Variants in ERC2 observed in about 807,000 individuals in gnomAD.
ERC2 encodes the protein ELKS/RAB6-interacting/CAST family member 2.
In ERC2, 42 loss-of-function variants were observed where a neutral mutation model predicts 114.8. That is an observed-to-expected ratio of 0.37 (90% CI 0.29 to 0.47). The LOEUF is 0.47. Ranked by LOEUF, ERC2 falls within the 20% of genes least tolerant of loss-of-function variation. The pLI is 0.99. For synonymous variants in ERC2, 454 were observed against 425.5 expected (o/e 1.07, Z -0.82); for missense variants, 939 against 1,150.7 (o/e 0.82, Z 2.66).
intron 14 of ERC2, among the ~76,000 whole-genome samples, chr3:55,842,751 A>G (rs1193569727): frequency 6.6e-6 from 1 of 152,092 alleles, no homozygotes; most frequent in Non-Finnish European, 1.5e-5. Context: ...AGATCTCAAG[A>G]AAGATATGGA....
At chr3:56,458,344 G>T (rs1489851463) in intron 1 of ERC2, among the ~76,000 whole-genome samples, 1 of 152,118 alleles carries the variant, frequency 6.6e-6, no homozygotes, top group Admixed American at 6.5e-5. Flanking sequence ...AGCCAGAAAG[G>T]GAACTTAGGG....
At chr3:56,185,812 G>C (rs563423603) in intron 3 of ERC2, among the ~76,000 whole-genome samples, 1 of 152,240 alleles carries the variant, frequency 6.6e-6, no homozygotes, top group Non-Finnish European at 1.5e-5. Flanking sequence ...ATCTGGGTGA[G>C]TGCAATCTAA....
chr3:56,077,536 A>T (rs187998509), intron 7 of ERC2, among the ~76,000 whole-genome samples: 105 of 152,344 alleles, frequency 6.9e-4, no homozygotes, highest in African/African-American at 2.5e-3. Context: ...AAACATTTGC[A>T]TTGGCAAAAG....
At chr3:56,419,196 C>A (rs576373105) in intron 2 of ERC2, among the ~76,000 whole-genome samples, 1 of 149,942 alleles carries the variant, frequency 6.7e-6, no homozygotes, top group African/African-American at 2.5e-5. Context: ...ACGTAATTAA[C>A]CCTCACTTGA....
chr3:56,105,645 A>T (rs764739273), intron 6 of ERC2, among the ~76,000 whole-genome samples: 6 of 152,202 alleles, frequency 3.9e-5, no homozygotes, highest in Non-Finnish European at 5.9e-5. Flanking sequence ...CAGAGGAAAG[A>T]CAGAACTAGA....
At chr3:55,690,416 G>C (rs1354300529) in intron 16 of ERC2, among the ~76,000 whole-genome samples, 1 of 152,178 alleles carries the variant, frequency 6.6e-6, no homozygotes, top group Non-Finnish European at 1.5e-5. Context: ...CCCTCTCAAT[G>C]GGGGAGCTAA....
intron 2 of ERC2, among the ~76,000 whole-genome samples, chr3:56,314,007 A>T (rs2056745626): frequency 6.6e-6 from 1 of 152,234 alleles, no homozygotes; most frequent in Non-Finnish European, 1.5e-5. Context: ...TAGCCATGCC[A>T]GTTCAACCTT....
intron 14 of ERC2, among the ~76,000 whole-genome samples, chr3:55,855,244 C>A (rs1437694839): frequency 6.6e-6 from 1 of 152,156 alleles, no homozygotes; most frequent in Non-Finnish European, 1.5e-5. Context: ...TCCTGAGCCA[C>A]CCCATCACAA....
chr3:56,266,291 C>G (rs1425972332), intron 3 of ERC2, among the ~76,000 whole-genome samples: 1 of 151,258 alleles, frequency 6.6e-6, no homozygotes, highest in Non-Finnish European at 1.5e-5. Context: ...CCACCATGCC[C>G]AGCTAATTTT....
At chr3:55,788,868 G>A (rs1228091091) in intron 14 of ERC2, among the ~76,000 whole-genome samples, 2 of 152,124 alleles carry the variant, frequency 1.3e-5, no homozygotes, top group Non-Finnish European at 2.9e-5. Flanking sequence ...TTCACAAAGT[G>A]CTCATACATG....
chr3:55,740,946 C>A (rs1266333935), intron 14 of ERC2, among the ~76,000 whole-genome samples: 1 of 152,098 alleles, frequency 6.6e-6, no homozygotes, highest in Non-Finnish European at 1.5e-5. Flanking sequence ...TTGAGACACT[C>A]AGTTGGTAAG....
chr3:55,808,758 A>AT, intron 14 of ERC2, among the ~76,000 whole-genome samples: 1 of 66,830 alleles, frequency 1.5e-5, no homozygotes, highest in East Asian at 4.1e-4. Flanking sequence ...ATAACTAAAC[A>AT]TATATATATA....
At chr3:56,379,937 A>G (rs73075823) in intron 2 of ERC2, among the ~76,000 whole-genome samples, 5,067 of 152,244 alleles carry the variant, frequency 0.033, 179 homozygotes, top group African/African-American at 0.081. Flanking sequence ...GCATTGTTCT[A>G]AAGTCAGTTT....
Position 55,733,352 on chromosome 3 carries a change from T to C in ERC2, c.2712+1419A>G, listed in dbSNP as rs1445757881. Reference sequence around the variant, plus strand: ...AATGACCCCAGTGTCTGGCAGTGACTGGGACCCTCCCTCTACAAGGAGAGA... The same window carrying C: ...AATGACCCCAGTGTCTGGCAGTGACCGGGACCCTCCCTCTACAAGGAGAGA... On this transcript the variant is annotated intron_variant, in intron 15 of 17. Transcript: ENST00000288221. Among the ~76,000 whole-genome samples the C allele has an allele frequency of 2.6e-5, 4 of 152,170 alleles. No individual in the cohort carries two copies. In the East Asian group the frequency reaches 7.7e-4, roughly 29 times the overall value.
intron 2 of ERC2, among the ~76,000 whole-genome samples, chr3:56,381,434 C>T (rs1313552448): frequency 6.6e-6 from 1 of 152,036 alleles, no homozygotes; most frequent in Non-Finnish European, 1.5e-5. Context: ...GCAGGTTTTG[C>T]ATCCTGTGAA....
chr3:55,748,211 T>C (rs955953352), intron 14 of ERC2, among the ~76,000 whole-genome samples: 3 of 152,224 alleles, frequency 2.0e-5, no homozygotes, highest in African/African-American at 7.2e-5. Flanking sequence ...ACATTTCAGA[T>C]ATGAAATTAT....
intron 17 of ERC2, among the ~76,000 whole-genome samples, chr3:55,599,158 A>T (rs528969928): frequency 5.9e-5 from 9 of 152,308 alleles, no homozygotes; most frequent in South Asian, 2.1e-4. Context: ...ATGACTAATA[A>T]CTATAACCTC....
intron 2 of ERC2, among the ~76,000 whole-genome samples, chr3:56,360,201 C>G (rs1232977390): frequency 2.0e-5 from 3 of 151,908 alleles, no homozygotes; most frequent in East Asian, 1.9e-4. Flanking sequence ...AGGCACCCAC[C>G]ACCACACCTG....
intron 3 of ERC2, among the ~76,000 whole-genome samples, chr3:56,272,673 G>A (rs1261016910): frequency 6.6e-6 from 1 of 152,234 alleles, no homozygotes; most frequent in Non-Finnish European, 1.5e-5. Context: ...AGGAGGCTGA[G>A]GCAGAAGAAT....
Sources: gnomAD v4.1 joint callset for allele counts (sites outside exome capture counted in the v4.1 genomes callset) on GRCh38, gnomAD v4.1.1 for gene constraint, MANE v1.5 for transcripts, NCBI Gene and HGNC (gene_info 2026-07-23, HGNC 2026-07-21) for gene names.